The following BLVRA variants were observed in gnomAD, a reference collection of about 807,000 sequenced individuals.
BLVRA encodes biliverdin reductase A.
A neutral mutation model predicts 32.8 loss-of-function variants in BLVRA; 22 were observed. That is an observed-to-expected ratio of 0.67 (90% confidence interval 0.48 to 0.96). The LOEUF (loss-of-function observed/expected upper bound fraction) is 0.96. BLVRA is among the 40% of genes least tolerant of loss of function. The pLI is 0.00. For missense variants in BLVRA, 323 were observed against 358.1 expected (o/e 0.90, Z 0.79); for synonymous variants, 119 against 141.3 (o/e 0.84, Z 1.12).
chr7:43,771,734 A>G (rs2095754871), intron 2 of BLVRA, among the ~76,000 whole-genome samples: 1 of 152,112 alleles, frequency 6.6e-6, no homozygotes, highest in Non-Finnish European at 1.5e-5. Flanking sequence ...TCCCCACAAG[A>G]GGGGGGTCTT....
chr7:43,803,903 G>C (rs1259453220), intron 7 of BLVRA, 56 bp downstream of exon 7: 7 of 1,602,580 alleles, frequency 4.4e-6, no homozygotes, highest in Non-Finnish European at 6.0e-6. Context: ...TAGTACATTT[G>C]CAGGTATGAT....
chr7:43,769,932 C>G (rs548364122), intron 1 of BLVRA, among the ~76,000 whole-genome samples: 1 of 152,196 alleles, frequency 6.6e-6, no homozygotes, highest in Non-Finnish European at 1.5e-5. Flanking sequence ...ATTTTCAACA[C>G]AAAGCCTACA....
At chr7:43,803,927 C>G in intron 7 of BLVRA, 80 bp downstream of exon 7, 5 of 1,548,460 alleles carry the variant, frequency 3.2e-6, no homozygotes, top group Non-Finnish European at 4.4e-6. Context: ...AAGGGAGCCC[C>G]GAGGGGCTAG....
intron 2 of BLVRA, among the ~76,000 whole-genome samples, chr7:43,781,028 A>C (rs58993660): frequency 6.6e-6 from 1 of 152,142 alleles, no homozygotes. Flanking sequence ...CTGTAATCCC[A>C]GCTACTCAGG....
intron 2 of BLVRA, among the ~76,000 whole-genome samples, chr7:43,776,713 C>T (rs1267830989): frequency 1.2e-4 from 19 of 152,172 alleles, no homozygotes; most frequent in African/African-American, 4.3e-4. Context: ...CTTTCTGTCT[C>T]GTTGATTTGT....
At position 43,776,618 on chromosome 7, in the gene BLVRA, G is replaced by A. The variant is rs2095761313; in HGVS notation, c.12+5448G>A. Among the ~76,000 whole-genome samples the A allele has an allele frequency of 2.6e-5, 4 of 152,200 alleles. No homozygotes were observed. In the South Asian group the frequency reaches 8.3e-4, roughly 31 times the overall value. On this transcript the variant is annotated intron_variant, in intron 2 of 7. Coordinates refer to ENST00000265523, the MANE Select transcript of BLVRA (RefSeq NM_000712.4). ...TGGTGCCGAAAAAAATGTATATTCT[G>A]TTGATTTGGGGTGGAGAGTTCTGTA...
At chr7:43,775,767 T>C (rs1189104427) in intron 2 of BLVRA, among the ~76,000 whole-genome samples, 1 of 152,248 alleles carries the variant, frequency 6.6e-6, no homozygotes, top group South Asian at 2.1e-4. Flanking sequence ...ATCCATCTCG[T>C]CCTGGACTCT....
intron 6 of BLVRA, among the ~76,000 whole-genome samples, chr7:43,802,437 G>A (rs1422328583): frequency 1.3e-5 from 2 of 152,116 alleles, no homozygotes; most frequent in Admixed American, 6.5e-5. Context: ...TTGGCTGGAG[G>A]CAGACGGGAG....
intron 5 of BLVRA, among the ~76,000 whole-genome samples, chr7:43,800,116 T>G (rs1307353899): frequency 6.6e-6 from 1 of 151,990 alleles, no homozygotes; most frequent in Non-Finnish European, 1.5e-5. Context: ...CCACCACACC[T>G]GGGTAATTTT....
chr7:43,782,826 T>C (rs998621571), intron 2 of BLVRA, among the ~76,000 whole-genome samples: 8 of 152,166 alleles, frequency 5.3e-5, no homozygotes, highest in Non-Finnish European at 1.2e-4. Flanking sequence ...GGGTCACTCA[T>C]GTCTGAAGTC....
chr7:43,766,291 A>G (rs1037422845), intron 1 of BLVRA, among the ~76,000 whole-genome samples: 13 of 110,742 alleles, frequency 1.2e-4, no homozygotes, highest in Admixed American at 3.3e-4. Context: ...TGTCTCAGGG[A>G]AAAAAAAAAA....
intron 2 of BLVRA, among the ~76,000 whole-genome samples, chr7:43,780,029 A>C (rs2095766982): frequency 6.6e-6 from 1 of 151,646 alleles, no homozygotes; most frequent in Non-Finnish European, 1.5e-5. Flanking sequence ...GCACCACCAC[A>C]CCTGGGTAAT....
chr7:43,782,591 CT>C (rs2095771244), intron 2 of BLVRA, among the ~76,000 whole-genome samples: 1 of 152,064 alleles, frequency 6.6e-6, no homozygotes, highest in Non-Finnish European at 1.5e-5. Flanking sequence ...GCTCAGGATG[CT>C]AGGGTCTTTG....
chr7:43,796,136 A>C (rs2095792613), intron 5 of BLVRA, among the ~76,000 whole-genome samples: 1 of 150,550 alleles, frequency 6.6e-6, no homozygotes, highest in Non-Finnish European at 1.5e-5. Flanking sequence ...AAAAAAAAAA[A>C]AGAAAAGAAA....
chr7:43,777,073 T>C (rs1395792736), intron 2 of BLVRA, among the ~76,000 whole-genome samples: 1 of 150,432 alleles, frequency 6.6e-6, no homozygotes, highest in African/African-American at 2.4e-5. Flanking sequence ...TACAGCACAC[T>C]GATGGGTCTT....
chr7:43,769,213 A>G (rs2095751705), intron 1 of BLVRA, among the ~76,000 whole-genome samples: 1 of 151,912 alleles, frequency 6.6e-6, no homozygotes, highest in Non-Finnish European at 1.5e-5. Flanking sequence ...TTTTTTAAGT[A>G]AAGACAGGGT....
intron 2 of BLVRA, among the ~76,000 whole-genome samples, chr7:43,784,598 CTTTTTT>C (rs5883874): frequency 2.3e-5 from 2 of 85,268 alleles, no homozygotes; most frequent in South Asian, 4.7e-4. Flanking sequence ...TCACTCATAT[CTTTTTT>C]TTTTTTTTTT....
rs756820050 is a variant in BLVRA, at chr7:43,787,880, C to G, written c.13-24C>G. 6.2e-7 allele frequency: 1 copy of G among 1,614,180 alleles called. No individual in the cohort carries two copies. The highest frequency in any genetic ancestry group is 1.1e-5 in the South Asian group (1 of 91,080). On this transcript the variant is annotated intron_variant, in intron 2 of 7. Transcript: ENST00000265523. The surrounding 1 kb of genome is among the most constrained non-coding windows in gnomAD (Gnocchi z 4.5). ...TCGATGCCTACAGTGTTTTCAGACT[C>G]CACCTTGGTCCCTTGTGTTTCAGCC...
intron 1 of BLVRA, among the ~76,000 whole-genome samples, chr7:43,765,443 G>A (rs1489889169): frequency 2.6e-5 from 4 of 152,184 alleles, no homozygotes; most frequent in Non-Finnish European, 4.4e-5. Context: ...GTAGAGACAC[G>A]GTTTCACCAT....
Sources: allele counts gnomAD v4.1 joint callset (sites outside exome capture counted in the v4.1 genomes callset), GRCh38; gene constraint gnomAD v4.1.1; non-coding constraint Gnocchi (gnomAD v3.1); transcripts MANE v1.5; gene names NCBI Gene and HGNC (gene_info 2026-07-23, HGNC 2026-07-21).